Variants in CDK14 observed in about 807,000 individuals in gnomAD.
CDK14 encodes the protein cyclin dependent kinase 14.
In CDK14, 34 loss-of-function variants were observed where a neutral mutation model predicts 60.7. The observed-to-expected ratio is 0.56, with a 90% CI of 0.43 to 0.75. CDK14 has a LOEUF of 0.75. CDK14 is among the 30% of genes least tolerant of loss of function. CDK14 has a pLI of 0.00. For synonymous variants in CDK14, 197 were observed against 203.7 expected, an observed-to-expected ratio of 0.97 and a Z score of 0.28; for missense variants, 482 against 564.1, an observed-to-expected ratio of 0.85 and a Z score of 1.47.
chr7:90,726,004 A>G (rs1802619365), intron 2 of CDK14, among the ~76,000 whole-genome samples: 1 of 152,164 alleles, frequency 6.6e-6, no homozygotes, highest in Non-Finnish European at 1.5e-5. Flanking sequence ...CATTGTCCTC[A>G]GTTCTTCAGT....
chr7:90,668,880 T>G (rs1221369883), intron 2 of CDK14, among the ~76,000 whole-genome samples: 1 of 149,624 alleles, frequency 6.7e-6, no homozygotes, highest in Non-Finnish European at 1.5e-5. Context: ...GGCTATTTTT[T>G]TTTTGTTTAT....
rs141732609 is a variant in CDK14 at position 91,063,674 on chromosome 7, G to A, written c.1106-15758G>A. On this transcript the variant is annotated intron_variant, in intron 11 of 14. Transcript: ENST00000380050. ...TATTAGAATCACAGGATTATATATC[G>A]GGAGTTAGAGGAGCATCAACGTATT... Among the ~76,000 whole-genome samples, 365 of 152,258 alleles carry A rather than the reference G, an allele frequency of 2.4e-3. 1 individual carries two copies. The highest frequency in any genetic ancestry group is 8.0e-3 in the African/African-American group (334 of 41,550).
At chr7:90,628,906 A>T (rs1191264371) in intron 2 of CDK14, among the ~76,000 whole-genome samples, 1 of 151,968 alleles carries the variant, frequency 6.6e-6, no homozygotes, top group Middle Eastern at 3.4e-3. Context: ...CTGAGATGAA[A>T]GTTTGCATTT....
At chr7:90,784,844 T>C (rs796992153) in intron 4 of CDK14, among the ~76,000 whole-genome samples, 39 of 152,320 alleles carry the variant, frequency 2.6e-4, no homozygotes, top group African/African-American at 7.9e-4. Context: ...ATTTTTGAAA[T>C]ATGTATGTAA....
chr7:91,132,261 G>C (rs1379279999), intron 14 of CDK14, among the ~76,000 whole-genome samples: 2 of 152,158 alleles, frequency 1.3e-5, no homozygotes, highest in Non-Finnish European at 2.9e-5. Context: ...GAAGGCATTG[G>C]ATTTTGCATG....
At chr7:90,812,314 G>C (rs1032624828) in intron 5 of CDK14, among the ~76,000 whole-genome samples, 1 of 152,184 alleles carries the variant, frequency 6.6e-6, no homozygotes, top group Non-Finnish European at 1.5e-5. Context: ...CATGTCTTTT[G>C]TATGGACATG....
chr7:90,961,657 A>G (rs1291719003), intron 9 of CDK14, among the ~76,000 whole-genome samples: 2 of 152,240 alleles, frequency 1.3e-5, no homozygotes, highest in African/African-American at 4.8e-5. Context: ...AGAGTTCTTG[A>G]GAACTGCTCA....
At chr7:90,667,116 C>T (rs577509602) in intron 2 of CDK14, among the ~76,000 whole-genome samples, 1 of 152,060 alleles carries the variant, frequency 6.6e-6, no homozygotes, top group Non-Finnish European at 1.5e-5. Flanking sequence ...ACATGTGATG[C>T]TGAACTGTTT....
chr7:90,702,307 A>G (rs1329759528), intron 2 of CDK14, among the ~76,000 whole-genome samples: 2 of 152,162 alleles, frequency 1.3e-5, no homozygotes, highest in East Asian at 1.9e-4. Flanking sequence ...CGAATACAAA[A>G]GGGTTGCAGA....
chr7:90,640,519 A>T (rs538843416), intron 2 of CDK14, among the ~76,000 whole-genome samples: 1 of 152,222 alleles, frequency 6.6e-6, no homozygotes, highest in Non-Finnish European at 1.5e-5. Context: ...TTGGATGGAG[A>T]GGAGGAATGA....
chr7:90,942,364 T>C (rs1183980418), intron 8 of CDK14, among the ~76,000 whole-genome samples: 2 of 152,096 alleles, frequency 1.3e-5, no homozygotes, highest in Non-Finnish European at 2.9e-5. Context: ...GAGCTCTGGG[T>C]GAGAAATCAG....
At chr7:91,150,100 G>A (rs1800788296) in intron 14 of CDK14, among the ~76,000 whole-genome samples, 3 of 152,178 alleles carry the variant, frequency 2.0e-5, no homozygotes, top group African/African-American at 7.2e-5. Context: ...ATAGATCTAG[G>A]CAGAGTCTGT....
intron 9 of CDK14, among the ~76,000 whole-genome samples, chr7:90,961,799 G>C (rs575318596): frequency 6.6e-6 from 1 of 152,154 alleles, no homozygotes; most frequent in South Asian, 2.1e-4. Flanking sequence ...CTCTCACTAC[G>C]GAAGTCCCTT....
intron 2 of CDK14, among the ~76,000 whole-genome samples, chr7:90,606,724 G>T (rs1000710960): frequency 3.3e-5 from 5 of 152,188 alleles, no homozygotes; most frequent in Admixed American, 3.3e-4. Context: ...TAATCCCTGA[G>T]TGTGTTGCTC....
chr7:91,013,717 AG>A (rs1796228378), intron 10 of CDK14, among the ~76,000 whole-genome samples: 3 of 145,352 alleles, frequency 2.1e-5, no homozygotes, highest in African/African-American at 7.7e-5. Context: ...CCTTAAGTTA[AG>A]AAAGAGTGGT....
intron 8 of CDK14, among the ~76,000 whole-genome samples, chr7:90,939,932 C>T (rs1309291067): frequency 1.3e-5 from 2 of 152,114 alleles, no homozygotes; most frequent in African/African-American, 2.4e-5. Context: ...AGTTTTCCTG[C>T]CATGCCATGA....
intron 10 of CDK14, among the ~76,000 whole-genome samples, chr7:91,039,913 C>T (rs1405478868): frequency 6.6e-6 from 1 of 151,870 alleles, no homozygotes; most frequent in Non-Finnish European, 1.5e-5. Flanking sequence ...ACAGTGGGAC[C>T]CCATCTCTAT....
intron 14 of CDK14, among the ~76,000 whole-genome samples, chr7:91,152,188 CAT>C (rs1452209564): frequency 2.0e-5 from 3 of 152,148 alleles, no homozygotes; most frequent in Admixed American, 2.0e-4. Context: ...TCCATAGAAA[CAT>C]AGCAACTTAA....
chr7:90,655,403 G>T (rs1288416607), intron 2 of CDK14, among the ~76,000 whole-genome samples: 1 of 151,542 alleles, frequency 6.6e-6, no homozygotes, highest in Non-Finnish European at 1.5e-5. Flanking sequence ...TGGTCTATCG[G>T]TTTAAAAAAA....
Sources: gnomAD v4.1 joint callset for allele counts (sites outside exome capture counted in the v4.1 genomes callset) on GRCh38, gnomAD v4.1.1 for gene constraint, MANE v1.5 for transcripts, NCBI Gene and HGNC (gene_info 2026-07-23, HGNC 2026-07-21) for gene names.